Variants in HYOU1 observed in about 807,000 individuals in gnomAD.
HYOU1 encodes the protein hypoxia up-regulated protein 1.
Under a neutral mutation model 120.5 loss-of-function variants are expected in HYOU1, and 40 were observed. That is an observed-to-expected ratio of 0.33 (90% CI 0.26 to 0.43). The LOEUF (loss-of-function observed/expected upper bound fraction) is 0.43, where lower values mean the gene tolerates loss of function less well. Ranked by LOEUF, HYOU1 falls within the 20% of genes least tolerant of loss-of-function variation. The probability of loss-of-function intolerance (pLI) is 1.00; values close to 1 mark genes in which losing one functional copy is unlikely to be tolerated. For missense variants in HYOU1, 1,085 were observed against 1,278.3 expected (o/e 0.85, Z 2.31); for synonymous variants, 501 against 479.4 (o/e 1.05, Z -0.59).
chr11:119,050,165 A>G (rs1234637900), intron 14 of HYOU1, among the ~76,000 whole-genome samples: 1 of 152,166 alleles, frequency 6.6e-6, no homozygotes, highest in African/African-American at 2.4e-5. Flanking sequence ...TAATCTCAAC[A>G]CTTTGGGAGG....
Position 119,052,012 on chromosome 11 carries a change from C to T in HYOU1, c.1206-61G>A. ...GGAGCATGCAACCGGGACTTCCCTCCCCTCAGCCCTCCAGCTGCTCAGCCC... is the reference window on the plus strand; with the variant it reads ...GGAGCATGCAACCGGGACTTCCCTCTCCTCAGCCCTCCAGCTGCTCAGCCC... On this transcript the variant is annotated intron_variant, in intron 11 of 25. Coordinates refer to ENST00000617285, the MANE Select transcript of HYOU1 (RefSeq NM_006389.5). This position sits in a 1 kb window ranked among gnomAD's most constrained non-coding sequence, Gnocchi z 5.0. 6.2e-7 allele frequency: 1 copy of T among 1,613,390 alleles called. No homozygotes were observed. Among genetic ancestry groups the T allele is most frequent in the East Asian group, 2.2e-5 (1 of 44,848 alleles).
chr11:119,048,245 C>T lies in HYOU1; in HGVS notation c.2376+3G>A. On this transcript the variant is annotated splice_donor_region_variant and intron_variant, in intron 20 of 25. Transcript: ENST00000617285. This position sits in a 1 kb window ranked among gnomAD's most constrained non-coding sequence, Gnocchi z 4.7. ...ACCTGCCATGTCCTGAGAGGCCCCT[C>T]ACCACTGTGGTGGCTCCAACACCCT... 1 of 1,610,806 alleles carries T rather than the reference C, an allele frequency of 6.2e-7. No homozygotes were observed. Among genetic ancestry groups the T allele is most frequent in the South Asian group, 1.1e-5 (1 of 90,958 alleles).
At position 119,054,252 on chromosome 11, in the gene HYOU1, G is replaced by C; in HGVS notation, c.679-16C>G. ...ACATGATATTCTGTAGAGATATCAA[G>C]GCAACTGTCACAGGAACCTTCTCAA... On this transcript the variant is annotated splice_polypyrimidine_tract_variant and intron_variant, in intron 7 of 25. Coordinates refer to ENST00000617285, the MANE Select transcript of HYOU1 (RefSeq NM_006389.5). The C allele has an allele frequency of 6.3e-7, 1 of 1,593,310 alleles. No individual in the cohort carries two copies.
chr11:119,046,623 C>T lies in HYOU1; in HGVS notation c.2775G>A (p.Arg925=), dbSNP rs1178177216. 2 of 1,614,078 alleles carry T rather than the reference C, an allele frequency of 1.2e-6. No individual in the cohort carries two copies. Among genetic ancestry groups the T allele is most frequent in the East Asian group, 4.5e-5 (2 of 44,896 alleles). The change falls in exon 23 of 26, where the codon CGG becomes CGA. Residue 925 remains arginine (R), a synonymous_variant. Coordinates refer to ENST00000617285, the MANE Select transcript of HYOU1 (RefSeq NM_006389.5). The part of the protein sequence containing the change: ...RPRPKDKNGT[R]AEPPLNASAS... ...CACTGGCATTGAGGGGTGGCTCTGC[C>T]CGGGTCCCATTCTTGTCCTTAGGCC...
In HYOU1 at chr11:119,045,249, C is replaced by T. The variant is rs1252549577; in HGVS notation, c.*344G>A. On this transcript the variant is annotated 3_prime_UTR_variant, in exon 26 of 26. Transcript: ENST00000617285. The stretch of plus-strand genomic sequence containing the variant: ...AACTCCCCAGCAACCTGATACCCTT[C>T]CCATCACCGGGACCCATCAGCCACT... The T allele has an allele frequency of 1.8e-5, 9 of 496,094 alleles. No homozygotes were observed. Among genetic ancestry groups the T allele is most frequent in the Admixed American group, 2.3e-5 (1 of 43,822 alleles). 30.7% of individuals were successfully genotyped at this position (496,094 alleles called of 1,614,324 possible). A position where few individuals can be genotyped will look rare whatever the true frequency, so the allele number is the denominator to read the frequency against.
At position 119,055,428 on chromosome 11, in the gene HYOU1, G is replaced by C; in HGVS notation, c.264+65C>G. The C allele has an allele frequency of 4.4e-6, 7 of 1,607,552 alleles. No homozygotes were observed. The South Asian group carries it at 6.6e-5, about 15-fold the overall frequency. ...CATCACAGAGACTGATAAGGAAACA[G>C]ACTCTGGGGGCTGCCATCTCCTCTC... On this transcript the variant is annotated intron_variant, in intron 4 of 25. Transcript: ENST00000617285. The surrounding 1 kb of genome is among the most constrained non-coding windows in gnomAD (Gnocchi z 4.0).
Position 119,049,486 on chromosome 11 carries a change from C to T in HYOU1, c.1806+70G>A, listed in dbSNP as rs2133573259. The T allele has an allele frequency of 6.3e-5, 100 of 1,577,920 alleles. No individual in the cohort carries two copies. The African/African-American group carries it at 9.6e-4, about 15-fold the overall frequency. ...GGGCAGGGGTGGCCTACCCTCACCC[C>T]CTTCCTCTGCGGCTACTACCTGCAT... On this transcript the variant is annotated intron_variant, in intron 16 of 25. Coordinates refer to ENST00000617285, the MANE Select transcript of HYOU1 (RefSeq NM_006389.5).
rs2133544539 is a variant in HYOU1 at position 119,045,767 on chromosome 11, G to A, written c.2938+14C>T. The A allele has an allele frequency of 5.0e-6, 8 of 1,613,176 alleles. No homozygotes were observed. The South Asian group carries it at 5.5e-5, about 11-fold the overall frequency. On this transcript the variant is annotated intron_variant, in intron 25 of 25. Coordinates refer to ENST00000617285, the MANE Select transcript of HYOU1 (RefSeq NM_006389.5). Reference sequence around the variant, plus strand: ...CCACCAGGCTTCCCACCGTAGCCCCGGCTCCATCCTCACCTGCTCCAGGAC... The same window carrying A: ...CCACCAGGCTTCCCACCGTAGCCCCAGCTCCATCCTCACCTGCTCCAGGAC...
rs149700187 is a variant in HYOU1 at position 119,049,788 on chromosome 11, G to A, written c.1715C>T (p.Ser572Phe). The A allele has an allele frequency of 3.7e-5, 59 of 1,614,014 alleles. No individual in the cohort carries two copies. Among genetic ancestry groups the A allele is most frequent in the Non-Finnish European group, 5.0e-5 (59 of 1,179,902 alleles). The change falls in exon 15 of 26, where the codon TCT becomes TTT. Residue 572 changes from serine (S) to phenylalanine (F), a missense_variant. Physicochemically the swap from Ser to Phe is radical, Grantham distance 155 (BLOSUM62 -2). Transcript: ENST00000617285. ...TLVEDSAEEE[S>F]TLTKLGNTIS... The stretch of plus-strand genomic sequence containing the variant: ...CATGCTCATCTTACTGGTGAGAGTA[G>A]ATTCCTCTTCTGCGCTGTCCTCTAC...
chr11:119,053,184 G>A (rs1944549521), intron 8 of HYOU1: 1 of 225,226 alleles, frequency 4.4e-6, no homozygotes, highest in African/African-American at 2.3e-5. Context: ...GTAAAGGTGA[G>A]GGGACAATGC....
At position 119,051,438 on chromosome 11, in the gene HYOU1, C is replaced by T. The variant is rs2133584960; in HGVS notation, c.1526G>A (p.Arg509Gln). Reference protein sequence around the residue: ...DLGFLGPEDLRVFGSQNLTTV... With the variant: ...DLGFLGPEDLQVFGSQNLTTV... ...CCCATCCTACACCCCTGCCCCTCAC[C>T]GAAGATCTTCAGGCCCCAGGAAGCC... Residue 509 changes from arginine (R) to glutamine (Q), a missense_variant and splice_region_variant, in exon 13 of 26, where the codon CGG (arginine) becomes CAG (glutamine). By Grantham distance (43) the Arg-to-Gln change is conservative. Transcript: ENST00000617285. This position sits in a 1 kb window ranked among gnomAD's most constrained non-coding sequence, Gnocchi z 4.2. The T allele has an allele frequency of 2.5e-6, 4 of 1,613,980 alleles. No homozygotes were observed. The highest frequency in any genetic ancestry group is 1.1e-5 in the South Asian group (1 of 91,074).
chr11:119,046,304 C>T (rs1178235841), intron 24 of HYOU1, 113 bp downstream of exon 24: 11 of 695,466 alleles, frequency 1.6e-5, no homozygotes, highest in African/African-American at 3.8e-5. Flanking sequence ...CCTTTAAAAA[C>T]GCAAAGGCCA....
chr11:119,051,093 G>A lies in HYOU1; in HGVS notation c.1607C>T (p.Ser536Phe), dbSNP rs2133582471. The A allele has an allele frequency of 3.1e-6, 5 of 1,614,070 alleles. No individual in the cohort carries two copies. In the South Asian group the frequency reaches 5.5e-5, roughly 18 times the overall value. ...DSFKKYPDYE[S>F]KGIKAHFNLD... Reference sequence around the variant, plus strand: ...GTTGAAGTGAGCCTTGATGCCCTTGGACTCGTAGTCAGGATACTTCTTGAA... The same window carrying A: ...GTTGAAGTGAGCCTTGATGCCCTTGAACTCGTAGTCAGGATACTTCTTGAA... Residue 536 changes from serine (S) to phenylalanine (F), a missense_variant, in exon 14 of 26, where the codon TCC becomes TTC. Physicochemically the swap from Ser to Phe is radical, Grantham distance 155. Coordinates refer to ENST00000617285, the MANE Select transcript of HYOU1 (RefSeq NM_006389.5). The surrounding 1 kb of genome is among the most constrained non-coding windows in gnomAD (Gnocchi z 4.2).
At position 119,045,839 on chromosome 11, in the gene HYOU1, G is replaced by A. The variant is rs1333457129; in HGVS notation, c.2888-8C>T. On this transcript the variant is annotated splice_polypyrimidine_tract_variant and splice_region_variant and intron_variant, in intron 24 of 25. Coordinates refer to ENST00000617285, the MANE Select transcript of HYOU1 (RefSeq NM_006389.5). The stretch of plus-strand genomic sequence containing the variant: ...TGTCTCCTGGCTCGGATCCTGCTTT[G>A]GGAAGAAACAGGTTAGTCTCCTCAG... The A allele has an allele frequency of 6.2e-7, 1 of 1,612,054 alleles. No individual in the cohort carries two copies. Among genetic ancestry groups the A allele is most frequent in the African/African-American group, 1.3e-5 (1 of 74,686 alleles).
intron 24 of HYOU1, among the ~76,000 whole-genome samples, 169 bp from the exon 25 acceptor site, chr11:119,046,000 G>A (rs2134675114): frequency 6.6e-6 from 1 of 152,298 alleles, no homozygotes; most frequent in East Asian, 1.9e-4. Flanking sequence ...TGTTGCCCAG[G>A]CTGGAGTGCA....
rs2134705157 is a variant in HYOU1 at position 119,054,539 on chromosome 11, G to C, written c.633C>G (p.Leu211=). 1 of 1,614,226 alleles carries C rather than the reference G, an allele frequency of 6.2e-7. No individual in the cohort carries two copies. Among genetic ancestry groups the C allele is most frequent in the South Asian group, 1.1e-5 (1 of 91,082 alleles). Residue 211 remains leucine (L), a synonymous_variant, in exon 7 of 26, where the codon CTC becomes CTG. Coordinates refer to ENST00000617285, the MANE Select transcript of HYOU1 (RefSeq NM_006389.5). The stretch of plus-strand genomic sequence containing the variant: ...CTTTCCGGCGGAAGACACCATAGCT[G>C]AGGGCAGTGGCGGTGTTGTCATTGA... ...QLINDNTATA[L]SYGVFRRKDI...
Position 119,045,636 on chromosome 11 carries a change from T to G in HYOU1, c.2957A>C (p.Gln986Pro). The G allele has an allele frequency of 6.2e-7, 1 of 1,614,238 alleles. No homozygotes were observed. The highest frequency in any genetic ancestry group is 8.5e-7 in the Non-Finnish European group (1 of 1,180,044). The stretch of plus-strand genomic sequence containing the variant: ...CAAAGGCCGCTTCTGTCCTGTCGAT[T>G]GTTCTTTCTGTTCAGGTTCTGTTGG... ...GPGAEPEQKEQSTGQKRPLKN... is the reference protein window; with the variant it reads ...GPGAEPEQKEPSTGQKRPLKN... Residue 986 changes from glutamine (Q) to proline (P), a missense_variant, in exon 26 of 26, where the codon CAA becomes CCA. Gln to Pro is a moderately conservative substitution (Grantham distance 76). Around this residue, in one of 4 missense-constraint regions of HYOU1, gnomAD observed 516 missense variants for 517.1 expected, o/e 1.00. Transcript: ENST00000617285.
chr11:119,054,366 G>A, intron 7 of HYOU1, 128 bp downstream of exon 7: 1 of 1,197,406 alleles, frequency 8.4e-7, no homozygotes, highest in East Asian at 2.4e-5. Context: ...CAGGGGCTGG[G>A]AGGAGGCTAT....
In HYOU1 at chr11:119,051,786, G is replaced by A. The variant is rs1944457026; in HGVS notation, c.1338+33C>T. ...AAACCCTACTTGGGAGAGGTAAAGG[G>A]AGCTTGTCACCTGCTCAGTCAGGCT... On this transcript the variant is annotated intron_variant, in intron 12 of 25. Transcript: ENST00000617285. This position sits in a 1 kb window ranked among gnomAD's most constrained non-coding sequence, Gnocchi z 4.2. The A allele has an allele frequency of 1.2e-6, 2 of 1,612,772 alleles. No homozygotes were observed. The highest frequency in any genetic ancestry group is 1.3e-5 in the African/African-American group (1 of 75,006).
Sources: allele counts gnomAD v4.1 joint callset (sites outside exome capture counted in the v4.1 genomes callset), GRCh38; gene constraint gnomAD v4.1.1; regional missense constraint gnomAD v4.1.1; non-coding constraint Gnocchi (gnomAD v3.1); transcripts MANE v1.5; gene names NCBI Gene and HGNC (gene_info 2026-07-23, HGNC 2026-07-21).